The following EYS variants were observed in gnomAD, a reference collection of about 807,000 sequenced individuals.
EYS encodes EGF-like photoreceptor maintenance factor.
A neutral mutation model predicts 282.1 loss-of-function variants in EYS; 250 were observed. That is an observed-to-expected ratio of 0.89 (90% CI 0.80 to 0.98). The LOEUF is 0.98. Among genes scored for constraint, EYS ranks in the 50% least tolerant of loss-of-function variants. EYS has a pLI of 0.00. For synonymous variants in EYS, 1,355 were observed against 1,282.9 expected (o/e 1.06, Z -1.20); for missense variants, 4,016 against 3,709.0 (o/e 1.08, Z -2.15).
chr6:65,178,163 T>A (rs1219798207), intron 12 of EYS, among the ~76,000 whole-genome samples: 2 of 151,902 alleles, frequency 1.3e-5, no homozygotes, highest in African/African-American at 4.8e-5. Flanking sequence ...AAGCATCTTG[T>A]CTGTAAGCAT....
intron 19 of EYS, among the ~76,000 whole-genome samples, chr6:64,863,177 T>C (rs1045917323): frequency 6.6e-6 from 1 of 152,182 alleles, no homozygotes; most frequent in Non-Finnish European, 1.5e-5. Context: ...ATTTGACTAT[T>C]CAAATTCCCA....
intron 12 of EYS, among the ~76,000 whole-genome samples, chr6:65,281,913 C>T (rs933363726): frequency 2.0e-4 from 30 of 151,998 alleles, no homozygotes; most frequent in African/African-American, 7.2e-4. Context: ...TTAAACAGTA[C>T]ATCTATGTTA....
intron 31 of EYS, among the ~76,000 whole-genome samples, chr6:64,086,404 TG>T (rs770051738): frequency 3.3e-5 from 5 of 152,184 alleles, no homozygotes; most frequent in Non-Finnish European, 5.9e-5. Context: ...CATAATTACC[TG>T]AGACCTTTGG....
intron 29 of EYS, among the ~76,000 whole-genome samples, chr6:64,373,726 T>G (rs1582667038): frequency 6.6e-6 from 1 of 152,044 alleles, no homozygotes; most frequent in Non-Finnish European, 1.5e-5. Flanking sequence ...AGCATCTGGG[T>G]TCCTCCAGGG....
intron 8 of EYS, among the ~76,000 whole-genome samples, chr6:65,369,438 G>C (rs1765054135): frequency 6.7e-6 from 1 of 150,178 alleles, no homozygotes. Flanking sequence ...GCATCTAACT[G>C]TCAGACGCAA....
chr6:65,674,070 A>T (rs1768491123), intron 1 of EYS, among the ~76,000 whole-genome samples: 1 of 152,042 alleles, frequency 6.6e-6, no homozygotes, highest in South Asian at 2.1e-4. Context: ...TTAATTGTGC[A>T]GAAGAAAAAC....
intron 10 of EYS, among the ~76,000 whole-genome samples, chr6:65,343,833 C>A (rs1770288514): frequency 6.6e-6 from 1 of 151,434 alleles, no homozygotes; most frequent in Non-Finnish European, 1.5e-5. Context: ...AAAATTTTTA[C>A]TTTCCCATAT....
At chr6:65,136,378 T>G (rs1418099646) in intron 12 of EYS, among the ~76,000 whole-genome samples, 1 of 151,998 alleles carries the variant, frequency 6.6e-6, no homozygotes, top group African/African-American at 2.4e-5. Flanking sequence ...AAGGTCATTA[T>G]AGTACAAATC....
intron 22 of EYS, among the ~76,000 whole-genome samples, chr6:64,651,200 G>A (rs1768545035): frequency 6.6e-6 from 1 of 152,086 alleles, no homozygotes; most frequent in African/African-American, 2.4e-5. Context: ...AGGATAGAAT[G>A]GTTACGTATC....
intron 9 of EYS, among the ~76,000 whole-genome samples, chr6:65,348,414 C>T (rs1454618812): frequency 6.6e-6 from 1 of 151,214 alleles, no homozygotes; most frequent in Non-Finnish European, 1.5e-5. Context: ...CTGTCCTTTG[C>T]ACTAGGGTGA....
intron 30 of EYS, among the ~76,000 whole-genome samples, chr6:64,304,316 A>G (rs750673095): frequency 2.2e-4 from 33 of 152,354 alleles, no homozygotes; most frequent in Admixed American, 5.9e-4. Context: ...AATTTAAGGG[A>G]GAAATAGACA....
At chr6:65,220,276 G>T (rs575172043) in intron 12 of EYS, among the ~76,000 whole-genome samples, 1 of 152,108 alleles carries the variant, frequency 6.6e-6, no homozygotes, top group Non-Finnish European at 1.5e-5. Flanking sequence ...TCTTCATTAG[G>T]TACATTTTTA....
At chr6:65,316,417 C>T (rs1425050654) in intron 11 of EYS, among the ~76,000 whole-genome samples, 1 of 150,982 alleles carries the variant, frequency 6.6e-6, no homozygotes, top group Non-Finnish European at 1.5e-5. Flanking sequence ...TCTACAATCA[C>T]CCAGAATGGA....
intron 12 of EYS, among the ~76,000 whole-genome samples, chr6:65,099,320 C>T (rs1021718594): frequency 2.1e-4 from 31 of 150,494 alleles, no homozygotes; most frequent in African/African-American, 7.5e-4. Context: ...GATATTTTGC[C>T]ATCTACATTT....
At chr6:65,296,812 T>C (rs958207770) in intron 11 of EYS, among the ~76,000 whole-genome samples, 10 of 151,800 alleles carry the variant, frequency 6.6e-5, no homozygotes, top group Non-Finnish European at 1.3e-4. Context: ...TTTTACATAG[T>C]TTTCTTGTAA....
chr6:64,008,802 T>A (rs1323061053), intron 33 of EYS, among the ~76,000 whole-genome samples: 9 of 152,218 alleles, frequency 5.9e-5, no homozygotes, highest in Non-Finnish European at 1.5e-5. Context: ...CCCAATCTCT[T>A]CTTGCTTTTA....
intron 5 of EYS, among the ~76,000 whole-genome samples, chr6:65,470,196 T>A (rs994522662): frequency 5.9e-5 from 9 of 152,154 alleles, no homozygotes; most frequent in Non-Finnish European, 1.2e-4. Context: ...TTTAAAAACA[T>A]TCCTTTTACC....
At chr6:63,723,404 A>G (rs972506627) in intron 42 of EYS, among the ~76,000 whole-genome samples, 1 of 152,208 alleles carries the variant, frequency 6.6e-6, no homozygotes, top group Non-Finnish European at 1.5e-5. Flanking sequence ...GTGGCCTGCA[A>G]GTGAACACAA....
intron 23 of EYS, among the ~76,000 whole-genome samples, chr6:64,621,190 A>G (rs923785731): frequency 6.6e-6 from 1 of 152,152 alleles, no homozygotes; most frequent in Admixed American, 6.5e-5. Flanking sequence ...ACATTGATAT[A>G]TTCAGCTAGA....
Sources: allele counts gnomAD v4.1 joint callset (sites outside exome capture counted in the v4.1 genomes callset), GRCh38; gene constraint gnomAD v4.1.1; transcripts MANE v1.5; gene names NCBI Gene and HGNC (gene_info 2026-07-23, HGNC 2026-07-21).